KIF11: variants seen among roughly 807,000 people sequenced by gnomAD.
KIF11 encodes kinesin-like protein KIF11.
KIF11 carries 9 observed loss-of-function variants against 121.0 expected under a neutral mutation model. That is an observed-to-expected ratio of 0.07 (90% CI 0.04 to 0.13). KIF11 has a LOEUF of 0.13. KIF11 is among the 10% of genes least tolerant of loss of function. The pLI is 1.00. For synonymous variants in KIF11, 408 were observed against 421.0 expected, an observed-to-expected ratio of 0.97 and a Z score of 0.38; for missense variants, 846 against 1,217.5, an observed-to-expected ratio of 0.69 and a Z score of 4.54.
chr10:92,624,387 T>C (rs1216691571), intron 10 of KIF11, among the ~76,000 whole-genome samples: 1 of 151,604 alleles, frequency 6.6e-6, no homozygotes, highest in Admixed American at 6.6e-5. Context: ...CCTGCCACCA[T>C]GCCCAGCAAA....
intron 11 of KIF11, among the ~76,000 whole-genome samples, 162 bp from the exon 12 acceptor site, chr10:92,630,014 G>A (rs1222797029): frequency 6.6e-6 from 1 of 152,166 alleles, no homozygotes; most frequent in Non-Finnish European, 1.5e-5. Context: ...TCAAAGTGTT[G>A]AGTAAGATTA....
At chr10:92,630,497 A>AT in intron 12 of KIF11, 133 bp downstream of exon 12, 1 of 489,972 alleles carries the variant, frequency 2.0e-6, no homozygotes, top group African/African-American at 2.0e-5. Context: ...ACATTATTTT[A>AT]CTATTTCATC....
chr10:92,624,076 T>C (rs1443191973), intron 10 of KIF11, among the ~76,000 whole-genome samples: 1 of 152,062 alleles, frequency 6.6e-6, no homozygotes, highest in Non-Finnish European at 1.5e-5. Context: ...CAGGTGACTA[T>C]TGTTCCCTTC....
At chr10:92,639,642 T>C in intron 16 of KIF11, 152 bp from the exon 17 acceptor site, 1 of 517,806 alleles carries the variant, frequency 1.9e-6, no homozygotes, top group Non-Finnish European at 3.4e-6. Context: ...ACTGCTTTCC[T>C]CTGTAGAAGA....
intron 8 of KIF11, among the ~76,000 whole-genome samples, chr10:92,616,197 GT>G (rs1285959393): frequency 6.7e-6 from 1 of 150,260 alleles, no homozygotes; most frequent in East Asian, 1.9e-4. Flanking sequence ...TGGTTTTTTT[GT>G]TTTGTTTTGT....
chr10:92,639,800 T>C lies in KIF11; in HGVS notation c.2167T>C (p.Cys723Arg), dbSNP rs1401286631. 1.3e-6 allele frequency: 2 copies of C among 1,597,534 alleles called. No homozygotes were observed. Among genetic ancestry groups the C allele is most frequent in the South Asian group, 2.3e-5 (2 of 88,516 alleles). ...TIKQTHSQEL[C>R]KLMNLWTERF... ...TCCCACACCTTTCTTACAGGAACTT[T>C]GCAAGTTAATGAATCTTTGGACAGA... The change falls in exon 17 of 22, where the codon TGC becomes CGC. Residue 723 changes from cysteine to arginine, a missense_variant. By Grantham distance (180) the Cys-to-Arg change is radical. This residue lies in a region of KIF11 where 492 missense variants were observed against 603.4 expected (regional missense o/e 0.82). Coordinates refer to ENST00000260731, the MANE Select transcript of KIF11 (RefSeq NM_004523.4).
chr10:92,639,864 A>C lies in KIF11; in HGVS notation c.2231A>C (p.Gln744Pro). 6.2e-7 allele frequency: 1 copy of C among 1,609,164 alleles called. No individual in the cohort carries two copies. Among genetic ancestry groups the C allele is most frequent in the South Asian group, 1.1e-5 (1 of 90,884 alleles). ...CALEEKCENI[Q>P]KPLSSVQENI... ...TTGGAGGAAAAGTGTGAAAATATAC[A>C]GAAACCACTTAGTAGTGTCCAGGAA... The change falls in exon 17 of 22, where the codon CAG becomes CCG. Residue 744 changes from glutamine to proline, a missense_variant. Physicochemically the swap from Gln to Pro is moderately conservative, Grantham distance 76. Transcript: ENST00000260731.
At chr10:92,633,078 GC>G (rs1007400920) in intron 13 of KIF11, among the ~76,000 whole-genome samples, 4 of 151,690 alleles carry the variant, frequency 2.6e-5, no homozygotes, top group African/African-American at 9.7e-5. Context: ...TTTGGGGGGG[GC>G]ATATATATCT....
intron 18 of KIF11, among the ~76,000 whole-genome samples, chr10:92,647,002 A>G (rs1283317285): frequency 6.6e-6 from 1 of 152,242 alleles, no homozygotes; most frequent in African/African-American, 2.4e-5. Context: ...CCATTTGATC[A>G]AAAGCTGTTG....
chr10:92,607,056 C>T lies in KIF11; in HGVS notation c.309-103C>T, dbSNP rs376878518. ...CCTCCCAAAGTGTTGGGATTATAGG[C>T]TTGAGCCACTGTGCCTGGCTTGTTT... On this transcript the variant is annotated intron_variant, in intron 3 of 21. Coordinates refer to ENST00000260731, the MANE Select transcript of KIF11 (RefSeq NM_004523.4). 1.8e-5 allele frequency: 13 copies of T among 709,624 alleles called. No homozygotes were observed. In the African/African-American group the frequency reaches 2.1e-4, roughly 12 times the overall value. 44.0% of individuals were successfully genotyped at this position (709,624 alleles called of 1,614,324 possible).
Position 92,637,243 on chromosome 10 carries a change from G to T in KIF11, c.1935G>T (p.Val645=). Residue 645 remains valine (V), a synonymous_variant, in exon 15 of 22, where the codon GTG becomes GTT. Transcript: ENST00000260731. ...AAATGATTTTATCCCCAACTGTGGT[G>T]TCTATACTGAAAATCAATAGTCAAC... is the stretch of plus-strand genomic sequence containing the variant. The part of the protein sequence containing the change: ...SLEMILSPTV[V]SILKINSQLK... 6.3e-7 allele frequency: 1 copy of T among 1,589,392 alleles called. No homozygotes were observed. The highest frequency in any genetic ancestry group is 1.4e-5 in the African/African-American group (1 of 73,218).
intron 17 of KIF11, among the ~76,000 whole-genome samples, chr10:92,642,256 A>T (rs1429846053): frequency 6.6e-6 from 1 of 152,122 alleles, no homozygotes; most frequent in Non-Finnish European, 1.5e-5. Context: ...TCAGGATCCT[A>T]TTTAAGTATT....
rs566438978 is a variant in KIF11 at position 92,596,003 on chromosome 10, T to C, written c.77+2551T>C. On this transcript the variant is annotated intron_variant, in intron 1 of 21. Coordinates refer to ENST00000260731, the MANE Select transcript of KIF11 (RefSeq NM_004523.4). Reference sequence around the variant, plus strand: ...ATGGATACTTGAGTTACTTCTTTTTTTGTTGTTGTTGTTTTTGAGACCGAG... The same window carrying C: ...ATGGATACTTGAGTTACTTCTTTTTCTGTTGTTGTTGTTTTTGAGACCGAG... Among the ~76,000 whole-genome samples the C allele has an allele frequency of 6.6e-5, 10 of 152,220 alleles. No individual in the cohort carries two copies. In the South Asian group the frequency reaches 2.1e-3, roughly 32 times the overall value.
At chr10:92,641,393 A>G (rs1436804613) in intron 17 of KIF11, among the ~76,000 whole-genome samples, 1 of 152,190 alleles carries the variant, frequency 6.6e-6, no homozygotes, top group Non-Finnish European at 1.5e-5. Flanking sequence ...TTCTTTGTCT[A>G]AGAATGTCTT....
At chr10:92,615,581 T>G (rs1844546224) in intron 8 of KIF11, among the ~76,000 whole-genome samples, 1 of 152,158 alleles carries the variant, frequency 6.6e-6, no homozygotes, top group African/African-American at 2.4e-5. Context: ...TTTGAACATT[T>G]TCATAACCTC....
At chr10:92,610,711 A>G (rs940684495) in intron 6 of KIF11, among the ~76,000 whole-genome samples, 2 of 152,162 alleles carry the variant, frequency 1.3e-5, no homozygotes, top group African/African-American at 2.4e-5. Context: ...TATTGTTAGG[A>G]TTAGAAGTCT....
intron 14 of KIF11, among the ~76,000 whole-genome samples, chr10:92,635,259 T>C (rs1317905421): frequency 2.6e-5 from 4 of 152,210 alleles, no homozygotes; most frequent in Non-Finnish European, 5.9e-5. Context: ...CACCCAAATT[T>C]GACAAAATTA....
intron 12 of KIF11, among the ~76,000 whole-genome samples, chr10:92,630,739 G>A (rs1844728305): frequency 1.3e-5 from 2 of 151,664 alleles, no homozygotes; most frequent in African/African-American, 2.4e-5. Flanking sequence ...GGTGGCGCAT[G>A]CCTGTAATCC....
intron 6 of KIF11, among the ~76,000 whole-genome samples, chr10:92,611,363 C>A (rs183052953): frequency 6.6e-6 from 1 of 151,880 alleles, no homozygotes; most frequent in Non-Finnish European, 1.5e-5. Flanking sequence ...CAGGTGCCCA[C>A]CACCACGCCT....
Sources: gnomAD v4.1 joint callset for allele counts (sites outside exome capture counted in the v4.1 genomes callset) on GRCh38, gnomAD v4.1.1 for gene constraint, gnomAD v4.1.1 regional missense constraint, MANE v1.5 for transcripts, NCBI Gene and HGNC (gene_info 2026-07-23, HGNC 2026-07-21) for gene names.